Variants in CRY1 observed in about 807,000 individuals in gnomAD.
CRY1 encodes cryptochrome circadian regulator 1, also known as cryptochrome-1.
In CRY1, 45 loss-of-function variants were observed where a neutral mutation model predicts 76.0. The observed-to-expected ratio is 0.59, with a 90% CI of 0.47 to 0.76. CRY1 has a LOEUF of 0.76. CRY1 is among the 30% of genes least tolerant of loss of function. The pLI, the probability that CRY1 is intolerant of heterozygous loss-of-function variation, is 0.00. For synonymous variants in CRY1, 248 were observed against 244.0 expected (o/e 1.02, Z -0.15); for missense variants, 587 against 716.4 (o/e 0.82, Z 2.06).
chr12:107,018,622 A>G (rs1417752038), intron 2 of CRY1, among the ~76,000 whole-genome samples: 1 of 152,128 alleles, frequency 6.6e-6, no homozygotes, highest in Non-Finnish European at 1.5e-5. Context: ...AATTAAAAAA[A>G]GAAATAGATA....
At chr12:106,992,663 TA>T in intron 12 of CRY1, 123 bp downstream of exon 12, 1 of 893,814 alleles carries the variant, frequency 1.1e-6, no homozygotes, top group Non-Finnish European at 1.7e-6. Context: ...AAAAATTGCT[TA>T]AAAATTAATG....
intron 1 of CRY1, among the ~76,000 whole-genome samples, chr12:107,063,376 A>T (rs144771414): frequency 6.6e-6 from 1 of 152,212 alleles, no homozygotes; most frequent in African/African-American, 2.4e-5. Flanking sequence ...ATAGATAAAA[A>T]GGACTGGAAC....
intron 2 of CRY1, among the ~76,000 whole-genome samples, chr12:107,006,128 G>A (rs1952371774): frequency 6.6e-6 from 1 of 152,150 alleles, no homozygotes; most frequent in South Asian, 2.1e-4. Context: ...GCTCATGCCT[G>A]TAATCCTAGC....
Position 107,093,133 on chromosome 12 carries a change from C to T in CRY1, c.-172G>A. On this transcript the variant is annotated 5_prime_UTR_variant, in exon 1 of 13. Coordinates refer to ENST00000008527, the MANE Select transcript of CRY1 (RefSeq NM_004075.5). ...GAGGGGACCGGAGAAGGCGGGGGCG[C>T]CGGAGGCGCAGTGGAAAGATGAATG... 1.3e-6 allele frequency: 1 copy of T among 783,616 alleles called. No individual in the cohort carries two copies. Among genetic ancestry groups the T allele is most frequent in the Non-Finnish European group, 1.9e-6 (1 of 522,956 alleles). 48.5% of individuals were successfully genotyped at this position (783,616 alleles called of 1,614,324 possible). A position where few individuals can be genotyped will look rare whatever the true frequency, so the allele number is the denominator to read the frequency against.
rs370646760 is a variant in CRY1, at chr12:107,061,711, T to A, written c.158+31093A>T. ...ATACATTCTTTAGTTGCATTTGGAC[T>A]TGGAAAATATTTCTTCAAATCCTAT... On this transcript the variant is annotated intron_variant, in intron 1 of 12. Coordinates refer to ENST00000008527, the MANE Select transcript of CRY1 (RefSeq NM_004075.5). Among the ~76,000 whole-genome samples, 9 of 152,252 alleles carry A rather than the reference T, an allele frequency of 5.9e-5. 1 individual carries two copies. The highest frequency in any genetic ancestry group is 2.2e-4 in the African/African-American group (9 of 41,554).
At chr12:107,077,330 C>T (rs1055907501) in intron 1 of CRY1, among the ~76,000 whole-genome samples, 1 of 152,100 alleles carries the variant, frequency 6.6e-6, no homozygotes, top group Non-Finnish European at 1.5e-5. Flanking sequence ...TGAAAGTTTC[C>T]TTACAGGCAA....
intron 1 of CRY1, among the ~76,000 whole-genome samples, chr12:107,031,457 T>TAG (rs1952673459): frequency 1.3e-5 from 2 of 151,674 alleles, no homozygotes; most frequent in African/African-American, 2.4e-5. Flanking sequence ...AAGAAACTTA[T>TAG]CTGTCTCTAG....
intron 1 of CRY1, among the ~76,000 whole-genome samples, chr12:107,026,888 T>G (rs1359755231): frequency 1.3e-5 from 2 of 152,086 alleles, no homozygotes; most frequent in Non-Finnish European, 2.9e-5. Context: ...CAGAATTACT[T>G]TGAATTCACA....
chr12:107,038,523 G>C (rs570010095), intron 1 of CRY1, among the ~76,000 whole-genome samples: 3 of 152,220 alleles, frequency 2.0e-5, no homozygotes, highest in African/African-American at 7.2e-5. Context: ...AAATGGGACA[G>C]AGAAGCAAAG....
chr12:107,089,833 T>C lies in CRY1; in HGVS notation c.158+2971A>G, dbSNP rs371835101. Among the ~76,000 whole-genome samples the C allele has an allele frequency of 2.0e-3, 302 of 152,290 alleles. 1 individual carries two copies. The highest frequency in any genetic ancestry group is 6.6e-3 in the African/African-American group (276 of 41,574). On this transcript the variant is annotated intron_variant, in intron 1 of 12. Transcript: ENST00000008527. ...ATAAAGCTGTTTAAATATAAAATTA[T>C]TGACTCCAAGATATCACTATATTCA...
intron 1 of CRY1, among the ~76,000 whole-genome samples, chr12:107,053,194 TA>T (rs1303889061): frequency 6.6e-6 from 1 of 152,138 alleles, no homozygotes; most frequent in African/African-American, 2.4e-5. Context: ...CAGATACAGT[TA>T]AAAATAACAT....
At chr12:106,996,164 C>T (rs761053600) in intron 10 of CRY1, among the ~76,000 whole-genome samples, 41 of 152,076 alleles carry the variant, frequency 2.7e-4, no homozygotes, top group African/African-American at 6.3e-4. Context: ...TGTTGTTCTC[C>T]GCATGTATCC....
intron 3 of CRY1, 142 bp from the exon 4 acceptor site, chr12:107,002,090 G>C: frequency 3.2e-6 from 2 of 628,454 alleles, no homozygotes; most frequent in Non-Finnish European, 5.2e-6. Context: ...TAATGACCAA[G>C]AAATGTGTCC....
intron 2 of CRY1, among the ~76,000 whole-genome samples, chr12:107,005,682 T>C (rs1446335619): frequency 1.3e-5 from 2 of 152,218 alleles, no homozygotes; most frequent in Non-Finnish European, 2.9e-5. Context: ...CCTGAATTTA[T>C]GTCTGTTGAG....
chr12:107,073,335 C>A (rs555545019), intron 1 of CRY1, among the ~76,000 whole-genome samples: 1 of 152,014 alleles, frequency 6.6e-6, no homozygotes, highest in East Asian at 1.9e-4. Flanking sequence ...CCTGGTTCAA[C>A]TGATCCTCTT....
At chr12:107,020,525 G>GT (rs11368690) in intron 2 of CRY1, among the ~76,000 whole-genome samples, 17,190 of 148,360 alleles carry the variant, frequency 0.12, 2,294 homozygotes, top group African/African-American at 0.31. Context: ...TGCAAGATCT[G>GT]TTTTTTTTTT....
chr12:107,021,766 T>C (rs2136844604), intron 2 of CRY1, among the ~76,000 whole-genome samples: 1 of 152,176 alleles, frequency 6.6e-6, no homozygotes, highest in African/African-American at 2.4e-5. Context: ...TTCTTGTTTA[T>C]GCAAAGAATA....
chr12:107,075,655 C>G (rs536122339), intron 1 of CRY1, among the ~76,000 whole-genome samples: 1 of 152,110 alleles, frequency 6.6e-6, no homozygotes, highest in Non-Finnish European at 1.5e-5. Flanking sequence ...CCCTGTGCCA[C>G]GTATTGAGCC....
At chr12:107,061,245 A>T (rs1382356055) in intron 1 of CRY1, among the ~76,000 whole-genome samples, 2 of 152,154 alleles carry the variant, frequency 1.3e-5, no homozygotes, top group Non-Finnish European at 2.9e-5. Context: ...ATATTTTACC[A>T]GTGTCTCTTT....
Sources: allele counts gnomAD v4.1 joint callset (sites outside exome capture counted in the v4.1 genomes callset), GRCh38; gene constraint gnomAD v4.1.1; transcripts MANE v1.5; gene names NCBI Gene and HGNC (gene_info 2026-07-23, HGNC 2026-07-21).